The following ZNF519 variants were observed in gnomAD, a reference collection of about 807,000 sequenced individuals.
ZNF519 encodes zinc finger protein 519.
A neutral mutation model predicts 7.4 loss-of-function variants in ZNF519; 7 were observed. The ratio of observed to expected loss-of-function variants is 0.94; its 90% CI spans 0.54 to 1.77. The LOEUF (loss-of-function observed/expected upper bound fraction) is 1.77, where lower values mean the gene tolerates loss of function less well. Ranked by LOEUF, ZNF519 falls within the 40% of genes most tolerant of loss-of-function variation. ZNF519 has a pLI of 0.00. For synonymous variants in ZNF519, 179 were observed against 203.3 expected (o/e 0.88, Z 1.02); for missense variants, 586 against 623.1 (o/e 0.94, Z 0.63).
At chr18:14,092,882 CACTT>C (rs2046120061) in intron 2 of ZNF519, among the ~76,000 whole-genome samples, 1 of 152,158 alleles carries the variant, frequency 6.6e-6, no homozygotes, top group Non-Finnish European at 1.5e-5. Flanking sequence ...TTTAAACAAA[CACTT>C]ACATGGTTTC....
chr18:14,074,179 T>C (rs989835649), downstream of ZNF519: 1 of 152,194 alleles, frequency 6.6e-6, no homozygotes. Flanking sequence ...TGAAAGAAAC[T>C]GGAAGAAGGT....
downstream of ZNF519, among the ~76,000 whole-genome samples, chr18:14,099,603 T>C (rs2046151017): frequency 6.6e-6 from 1 of 152,218 alleles, no homozygotes; most frequent in South Asian, 2.1e-4. Context: ...GAGATGTTCA[T>C]CCTAAAGACA....
intron 2 of ZNF519, among the ~76,000 whole-genome samples, chr18:14,115,956 A>T (rs1032825682): frequency 1.3e-5 from 2 of 152,176 alleles, no homozygotes; most frequent in Admixed American, 1.3e-4. Context: ...AGCAACTCTT[A>T]TTCTTTTTAA....
chr18:14,108,717 G>A (rs28529167), intron 2 of ZNF519, among the ~76,000 whole-genome samples: 3,354 of 151,638 alleles, frequency 0.022, 126 homozygotes, highest in African/African-American at 0.074. Context: ...AAAACAAACA[G>A]AAAAAGCAGT....
At position 14,100,787 on chromosome 18, in the gene ZNF519, A is replaced by C. The variant is rs2046156654; in HGVS notation, c.*4130T>G. On this transcript the variant is annotated 3_prime_UTR_variant, in exon 3 of 3. Coordinates refer to ENST00000590202, the MANE Select transcript of ZNF519 (RefSeq NM_145287.4). Reference sequence around the variant, plus strand: ...CACAGAACACACACACATAAGAAAAAATTAATCTGGTAAAATGCAAATAGA... The same window carrying C: ...CACAGAACACACACACATAAGAAAACATTAATCTGGTAAAATGCAAATAGA... 2 of 152,162 alleles carry C rather than the reference A, an allele frequency of 1.3e-5. No homozygotes were observed. Among genetic ancestry groups the C allele is most frequent in the South Asian group, 4.1e-4 (2 of 4,828 alleles). The allele number at this position is 152,162 out of a possible 1,614,324, so 9.4% of individuals were successfully genotyped here.
intron 2 of ZNF519, among the ~76,000 whole-genome samples, chr18:14,112,527 T>C (rs1031078228): frequency 6.6e-6 from 1 of 152,192 alleles, no homozygotes; most frequent in African/African-American, 2.4e-5. Context: ...TGCTTGCAGA[T>C]GATGTGCTCT....
At chr18:14,083,103 A>C (rs1421689362) in intron 3 of ZNF519, among the ~76,000 whole-genome samples, 1 of 152,192 alleles carries the variant, frequency 6.6e-6, no homozygotes, top group Non-Finnish European at 1.5e-5. Flanking sequence ...TAATCCCAGA[A>C]CTTTGAGAGG....
downstream of ZNF519, chr18:14,072,276 T>C (rs2046031060): frequency 1.3e-5 from 2 of 152,220 alleles, no homozygotes; most frequent in Non-Finnish European, 2.9e-5. Flanking sequence ...GTTTTTAAGT[T>C]ACAGTAGCAA....
Position 14,104,859 on chromosome 18 carries a change from G to C in ZNF519, c.*58C>G. On this transcript the variant is annotated 3_prime_UTR_variant, in exon 3 of 3. Transcript: ENST00000590202. ...TATCCAGTATTGATTTTCTAATGTT[G>C]AGTAAGGTGTGAGCACCAGTTTAGG... The C allele has an allele frequency of 1.4e-6, 2 of 1,448,554 alleles. No homozygotes were observed. The highest frequency in any genetic ancestry group is 3.4e-5 in the South Asian group (2 of 58,432). 89.7% of individuals were successfully genotyped at this position (1,448,554 alleles called of 1,614,324 possible).
downstream of ZNF519, chr18:14,075,331 C>T (rs2046043560): frequency 6.6e-6 from 1 of 152,258 alleles, no homozygotes; most frequent in Non-Finnish European, 1.5e-5. Context: ...CAGCATATCA[C>T]AATCCAGCAG....
chr18:14,113,357 G>C (rs1483279521), intron 2 of ZNF519, among the ~76,000 whole-genome samples: 2 of 152,204 alleles, frequency 1.3e-5, no homozygotes, highest in Non-Finnish European at 2.9e-5. Context: ...GAATGCAACC[G>C]TTTGTCTCCC....
At chr18:14,092,863 A>C (rs921531694) in intron 2 of ZNF519, among the ~76,000 whole-genome samples, 3 of 152,176 alleles carry the variant, frequency 2.0e-5, no homozygotes, top group African/African-American at 7.2e-5. Context: ...CTCTTCCTAC[A>C]TTTAAAGATT....
chr18:14,087,032 T>C (rs2046093487), intron 2 of ZNF519, among the ~76,000 whole-genome samples: 1 of 152,176 alleles, frequency 6.6e-6, no homozygotes, highest in South Asian at 2.1e-4. Flanking sequence ...TCGTGAAGAT[T>C]ATTCACCAAG....
intron 1 of ZNF519, among the ~76,000 whole-genome samples, chr18:14,126,336 G>A (rs574568107): frequency 6.6e-6 from 1 of 152,268 alleles, no homozygotes; most frequent in South Asian, 2.1e-4. Context: ...ACGATAAGAA[G>A]GAATTTAACC....
At chr18:14,082,230 C>G (rs1329937320) in intron 3 of ZNF519, 1 of 152,022 alleles carries the variant, frequency 6.6e-6, no homozygotes, top group Non-Finnish European at 1.5e-5. Context: ...CAGAAATAAT[C>G]ATAGCATTAT....
At chr18:14,074,387 G>T (rs1181361715), downstream of ZNF519, 1 of 152,380 alleles carries the variant, frequency 6.6e-6, no homozygotes, top group Non-Finnish European at 1.5e-5. Context: ...CCAGCAGGGA[G>T]TGATGGAGCC....
intron 1 of ZNF519, among the ~76,000 whole-genome samples, chr18:14,131,572 C>T (rs2846962): frequency 6.6e-6 from 1 of 152,198 alleles, no homozygotes; most frequent in East Asian, 1.9e-4. Context: ...GTCATTTAGA[C>T]TGAAGTGGCT....
At chr18:14,108,328 C>T (rs1236225798) in intron 2 of ZNF519, among the ~76,000 whole-genome samples, 7 of 152,282 alleles carry the variant, frequency 4.6e-5, no homozygotes, top group Non-Finnish European at 7.4e-5. Context: ...ATCCCTAACC[C>T]ACTCTCTCTA....
exon 3 of ZNF519, chr18:14,084,972 C>A (rs2046084296): frequency 6.6e-6 from 1 of 152,164 alleles, no homozygotes; most frequent in South Asian, 2.1e-4. Flanking sequence ...CAGTATCATC[C>A]TTGAGGGATA....
Sources: gnomAD v4.1 joint callset for allele counts (sites outside exome capture counted in the v4.1 genomes callset) on GRCh38, gnomAD v4.1.1 for gene constraint, MANE v1.5 for transcripts, NCBI Gene and HGNC (gene_info 2026-07-23, HGNC 2026-07-21) for gene names.